The following ASTN2 variants were observed in gnomAD, a reference collection of about 807,000 sequenced individuals.
ASTN2 encodes the protein astrotactin 2.
Under a neutral mutation model 139.8 loss-of-function variants are expected in ASTN2, and 54 were observed. The ratio of observed to expected loss-of-function variants is 0.39; its 90% CI spans 0.31 to 0.48. ASTN2 has a LOEUF of 0.48. Among genes scored for constraint, ASTN2 ranks in the 20% least tolerant of loss-of-function variants. The pLI is 0.95. For synonymous variants in ASTN2, 756 were observed against 719.5 expected (o/e 1.05, Z -0.81); for missense variants, 1,565 against 1,725.1 (o/e 0.91, Z 1.64).
Position 117,379,863 on chromosome 9 carries a change from A to C in ASTN2, c.442+34634T>G, listed in dbSNP as rs553909897. Among the ~76,000 whole-genome samples, 5 of 152,336 alleles carry C rather than the reference A, an allele frequency of 3.3e-5. No homozygotes were observed. The East Asian group carries it at 9.7e-4, about 29-fold the overall frequency. Reference sequence around the variant, plus strand: ...CCATTAACATGGCTGAAAAGTTTGTACTTTATTTGGAATATAATAGATAGC... The same window carrying C: ...CCATTAACATGGCTGAAAAGTTTGTCCTTTATTTGGAATATAATAGATAGC... On this transcript the variant is annotated intron_variant, in intron 1 of 22. Coordinates refer to ENST00000313400, the MANE Select transcript of ASTN2 (RefSeq NM_001365068.1).
intron 17 of ASTN2, among the ~76,000 whole-genome samples, chr9:116,640,120 G>A (rs918460582): frequency 3.9e-5 from 6 of 151,958 alleles, no homozygotes; most frequent in Non-Finnish European, 7.4e-5. Flanking sequence ...AAATGCTTAG[G>A]TGTCACTGAG....
chr9:116,458,612 C>G (rs1364023178), intron 20 of ASTN2, among the ~76,000 whole-genome samples: 1 of 151,630 alleles, frequency 6.6e-6, no homozygotes, highest in Non-Finnish European at 1.5e-5. Flanking sequence ...AATGAACAAT[C>G]AGAAAATAAA....
chr9:117,116,877 T>C (rs1245518331), intron 4 of ASTN2, among the ~76,000 whole-genome samples: 1 of 135,852 alleles, frequency 7.4e-6, no homozygotes, highest in Non-Finnish European at 1.6e-5. Context: ...GCCTTTCCCA[T>C]TCATCGTTTA....
intron 3 of ASTN2, among the ~76,000 whole-genome samples, chr9:117,157,666 A>T (rs1252495213): frequency 6.6e-6 from 1 of 152,042 alleles, no homozygotes; most frequent in Non-Finnish European, 1.5e-5. Context: ...TAGGTGGCAT[A>T]CATAAAGATG....
intron 5 of ASTN2, among the ~76,000 whole-genome samples, chr9:117,041,555 A>G (rs73520904): frequency 6.6e-6 from 1 of 151,858 alleles, no homozygotes; most frequent in African/African-American, 2.4e-5. Context: ...TCTTCCCTTC[A>G]TCTCTTCTAT....
At chr9:117,147,505 G>A (rs1830227667) in intron 3 of ASTN2, among the ~76,000 whole-genome samples, 1 of 151,166 alleles carries the variant, frequency 6.6e-6, no homozygotes, top group Non-Finnish European at 1.5e-5. Flanking sequence ...CAACCACCCA[G>A]GACGTTCCAC....
At chr9:116,855,836 G>T (rs182109041) in intron 11 of ASTN2, among the ~76,000 whole-genome samples, 20 of 152,266 alleles carry the variant, frequency 1.3e-4, no homozygotes, top group African/African-American at 4.6e-4. Flanking sequence ...TAGCTGTGAG[G>T]ATTTCCAGGG....
At chr9:116,517,187 C>A (rs540784748) in intron 19 of ASTN2, among the ~76,000 whole-genome samples, 1 of 152,336 alleles carries the variant, frequency 6.6e-6, no homozygotes, top group African/African-American at 2.4e-5. Context: ...AGTGTCACCT[C>A]CTGGCTGGAA....
intron 5 of ASTN2, among the ~76,000 whole-genome samples, chr9:117,076,733 C>G (rs1348071326): frequency 6.6e-6 from 1 of 152,120 alleles, no homozygotes; most frequent in Non-Finnish European, 1.5e-5. Flanking sequence ...GATGTAGTCA[C>G]AGACCACACC....
chr9:116,625,760 C>G (rs1190660463), intron 17 of ASTN2, among the ~76,000 whole-genome samples: 1 of 152,140 alleles, frequency 6.6e-6, no homozygotes, highest in Non-Finnish European at 1.5e-5. Context: ...TACCCACAAG[C>G]CTTTTCTCAT....
intron 5 of ASTN2, among the ~76,000 whole-genome samples, chr9:117,081,809 A>G (rs1044717853): frequency 2.0e-5 from 3 of 152,186 alleles, no homozygotes; most frequent in African/African-American, 7.2e-5. Context: ...AAATCTGAGA[A>G]CGGTCCCTGC....
chr9:116,648,433 T>C (rs542451513), intron 17 of ASTN2, among the ~76,000 whole-genome samples: 1 of 152,206 alleles, frequency 6.6e-6, no homozygotes, highest in East Asian at 1.9e-4. Flanking sequence ...GCCCTGGGCC[T>C]GTTCTTGTTA....
intron 4 of ASTN2, among the ~76,000 whole-genome samples, chr9:117,114,192 A>T (rs1829322375): frequency 6.7e-6 from 1 of 148,308 alleles, no homozygotes; most frequent in Non-Finnish European, 1.5e-5. Context: ...AAAAAAGTCT[A>T]TGGGATTTAT....
At chr9:116,641,092 T>A (rs1857306162) in intron 17 of ASTN2, among the ~76,000 whole-genome samples, 1 of 152,198 alleles carries the variant, frequency 6.6e-6, no homozygotes, top group South Asian at 2.1e-4. Context: ...CATAGTACAG[T>A]GGTCTGCAAG....
chr9:117,064,366 C>G, intron 5 of ASTN2, among the ~76,000 whole-genome samples: 1 of 152,054 alleles, frequency 6.6e-6, no homozygotes, highest in East Asian at 2.0e-4. Context: ...AATATCAACA[C>G]TGGAAAAATG....
chr9:116,714,223 T>C (rs1426184853), intron 16 of ASTN2, among the ~76,000 whole-genome samples: 4 of 152,174 alleles, frequency 2.6e-5, no homozygotes, highest in Non-Finnish European at 5.9e-5. Flanking sequence ...CTATCTGACA[T>C]TCTCACCTTC....
At chr9:116,876,858 A>G (rs1209962652) in intron 10 of ASTN2, among the ~76,000 whole-genome samples, 1 of 152,246 alleles carries the variant, frequency 6.6e-6, no homozygotes, top group Non-Finnish European at 1.5e-5. Context: ...AGGAAACAAA[A>G]GTATTTGTGC....
intron 3 of ASTN2, among the ~76,000 whole-genome samples, chr9:117,189,015 CT>C (rs1482020753): frequency 6.6e-6 from 1 of 152,120 alleles, no homozygotes; most frequent in Admixed American, 6.5e-5. Context: ...CTAGTGTCCC[CT>C]CCTGTCCCCA....
intron 22 of ASTN2, among the ~76,000 whole-genome samples, chr9:116,431,704 C>T (rs1847502722): frequency 1.7e-5 from 1 of 58,524 alleles, no homozygotes; most frequent in Non-Finnish European, 4.2e-5. Flanking sequence ...CACTATGTGC[C>T]AGAAACTGTA....
Sources: gnomAD v4.1 joint callset for allele counts (sites outside exome capture counted in the v4.1 genomes callset) on GRCh38, gnomAD v4.1.1 for gene constraint, MANE v1.5 for transcripts, NCBI Gene and HGNC (gene_info 2026-07-23, HGNC 2026-07-21) for gene names.